FRMD5: variants seen among roughly 807,000 people sequenced by gnomAD.
The protein encoded by FRMD5 is FERM domain containing 5.
A neutral mutation model predicts 69.0 loss-of-function variants in FRMD5; 20 were observed. The ratio of observed to expected loss-of-function variants is 0.29; its 90% CI spans 0.20 to 0.42. FRMD5 has a LOEUF of 0.42. FRMD5 is among the 10% of genes least tolerant of loss of function. The pLI is 1.00. For synonymous variants in FRMD5, 271 were observed against 260.1 expected, an observed-to-expected ratio of 1.04 and a Z score of -0.40; for missense variants, 595 against 708.6, an observed-to-expected ratio of 0.84 and a Z score of 1.82.
At chr15:44,001,711 A>G (rs1890221313) in intron 1 of FRMD5, among the ~76,000 whole-genome samples, 1 of 151,618 alleles carries the variant, frequency 6.6e-6, no homozygotes, top group Admixed American at 6.6e-5. Flanking sequence ...CACTCAAGTG[A>G]TCCTCCTGCC....
chr15:44,047,287 C>T (rs1216343208), intron 1 of FRMD5, among the ~76,000 whole-genome samples: 1 of 151,472 alleles, frequency 6.6e-6, no homozygotes, highest in Admixed American at 6.6e-5. Flanking sequence ...CCAGCCTGGG[C>T]GACAGAGCAA....
rs756408987 is a variant in FRMD5 at position 43,874,137 on chromosome 15, G to A, written c.1461C>T (p.Ser487=). 1.2e-5 allele frequency: 20 copies of A among 1,614,064 alleles called. No homozygotes were observed. The highest frequency in any genetic ancestry group is 3.3e-4 in the Middle Eastern group (2 of 6,082). Reference sequence around the variant, plus strand: ...TATTCACCTGTTCCTCCTCGGGCCCGCTGTGCCCCTGACACAGGGCCCTCA... The same window carrying A: ...TATTCACCTGTTCCTCCTCGGGCCCACTGTGCCCCTGACACAGGGCCCTCA... ...GELRALCQGH[S]GPEEEQVNKF... The change falls in exon 14 of 14, where the codon AGC becomes AGT. Residue 487 remains serine (S), a synonymous_variant. Coordinates refer to ENST00000417257, the MANE Select transcript of FRMD5 (RefSeq NM_032892.5).
At chr15:43,946,560 T>C (rs759703148) in intron 1 of FRMD5, among the ~76,000 whole-genome samples, 1 of 152,152 alleles carries the variant, frequency 6.6e-6, no homozygotes, top group Non-Finnish European at 1.5e-5. Context: ...AACATAATAA[T>C]GTAAAATGCA....
Position 43,908,069 on chromosome 15 carries a change from C to T in FRMD5, c.427+1813G>A, listed in dbSNP as rs557800082. ...GTAGAAAAGACTAGAGTTTAAGACTCGACTTAGGTCAGGCCAGGCTTTCTC... is the reference window on the plus strand; with the variant it reads ...GTAGAAAAGACTAGAGTTTAAGACTTGACTTAGGTCAGGCCAGGCTTTCTC... On this transcript the variant is annotated intron_variant, in intron 5 of 13. Coordinates refer to ENST00000417257, the MANE Select transcript of FRMD5 (RefSeq NM_032892.5). Among the ~76,000 whole-genome samples the T allele has an allele frequency of 3.9e-5, 6 of 152,186 alleles. No individual in the cohort carries two copies. In the East Asian group the frequency reaches 5.8e-4, roughly 15 times the overall value.
chr15:43,977,571 T>TG lies in FRMD5; in HGVS notation c.103-53263dup, dbSNP rs983212054. On this transcript the variant is annotated intron_variant, in intron 1 of 13. Transcript: ENST00000417257. Reference sequence around the variant, plus strand: ...GGTTACTCTTTCTAAAATAAACTTTTGAAAAAAATTTCATCAAGCAGGGTA... The same window carrying TG: ...GGTTACTCTTTCTAAAATAAACTTTTGGAAAAAAATTTCATCAAGCAGGGTA... Among the ~76,000 whole-genome samples the TG allele has an allele frequency of 9.2e-5, 14 of 152,070 alleles. 1 individual carries two copies. The highest frequency in any genetic ancestry group is 7.9e-4 in the Admixed American group (12 of 15,260).
chr15:43,962,461 G>A (rs1269458424), intron 1 of FRMD5, among the ~76,000 whole-genome samples: 2 of 152,160 alleles, frequency 1.3e-5, no homozygotes, highest in African/African-American at 4.8e-5. Flanking sequence ...AATCAGTATC[G>A]TGAAAATGGC....
At position 44,075,263 on chromosome 15, in the gene FRMD5, T is replaced by C. The variant is rs16959131; in HGVS notation, c.102+119690A>G. Among the ~76,000 whole-genome samples, 1,125 of 152,210 alleles carry C rather than the reference T, an allele frequency of 7.4e-3. 21 individuals are homozygous for C. Among genetic ancestry groups the C allele is most frequent in the African/African-American group, 0.026 (1,077 of 41,516 alleles). ...CTTGAACATCAACAATTTTAATGAA[T>C]TGGATGGGAAATGAGGTCTTAGCCA... On this transcript the variant is annotated intron_variant, in intron 1 of 13. Coordinates refer to ENST00000417257, the MANE Select transcript of FRMD5 (RefSeq NM_032892.5).
intron 1 of FRMD5, among the ~76,000 whole-genome samples, chr15:44,067,759 C>T (rs149945587): frequency 8.5e-5 from 13 of 152,228 alleles, no homozygotes; most frequent in Admixed American, 2.6e-4. Flanking sequence ...TATCAACATT[C>T]AGACCATAGC....
chr15:44,104,103 T>C (rs1002606586), intron 1 of FRMD5, among the ~76,000 whole-genome samples: 41 of 152,374 alleles, frequency 2.7e-4, no homozygotes, highest in Non-Finnish European at 2.1e-4. Flanking sequence ...ATATGGAGAT[T>C]GAAGACAGTG....
chr15:43,934,367 T>C (rs776467216), intron 1 of FRMD5, among the ~76,000 whole-genome samples: 11 of 152,222 alleles, frequency 7.2e-5, no homozygotes, highest in Non-Finnish European at 1.2e-4. Context: ...TGTCCTCTTA[T>C]GTGCTCAAAA....
rs115489154 is a variant in FRMD5 at position 44,195,241 on chromosome 15, T to C, written c.-187A>G. ...CCTCCTTCCCTCAGCCGCCACCGCC[T>C]CCCCCCAGCCCAGATCAAGCGCCGG... is the stretch of plus-strand genomic sequence containing the variant. On this transcript the variant is annotated 5_prime_UTR_variant, in exon 1 of 14. Coordinates refer to ENST00000417257, the MANE Select transcript of FRMD5 (RefSeq NM_032892.5). 6 of 529,716 alleles carry C rather than the reference T, an allele frequency of 1.1e-5. No homozygotes were observed. Among genetic ancestry groups the C allele is most frequent in the African/African-American group, 1.0e-4 (5 of 48,300 alleles). 32.8% of individuals were successfully genotyped at this position (529,716 alleles called of 1,614,324 possible). A position where few individuals can be genotyped will look rare whatever the true frequency, so the allele number is the denominator to read the frequency against.
chr15:44,036,804 A>C (rs906593806), intron 1 of FRMD5, among the ~76,000 whole-genome samples: 1 of 152,156 alleles, frequency 6.6e-6, no homozygotes, highest in Non-Finnish European at 1.5e-5. Context: ...AGTGGTAAAG[A>C]AGCAGTGCTG....
At chr15:44,159,219 T>C (rs980877605) in intron 1 of FRMD5, among the ~76,000 whole-genome samples, 10 of 152,168 alleles carry the variant, frequency 6.6e-5, no homozygotes, top group Non-Finnish European at 1.3e-4. Context: ...AATTATACAC[T>C]TAAAATGATA....
At chr15:43,998,953 C>T (rs548043804) in intron 1 of FRMD5, among the ~76,000 whole-genome samples, 5 of 152,206 alleles carry the variant, frequency 3.3e-5, no homozygotes, top group Non-Finnish European at 5.9e-5. Context: ...AGCACCAAAA[C>T]TTCTGGAAAA....
rs549809489 is a variant in FRMD5, at chr15:43,884,723, C to T, written c.1028+4G>A. 2 of 1,613,838 alleles carry T rather than the reference C, an allele frequency of 1.2e-6. No individual in the cohort carries two copies. Among genetic ancestry groups the T allele is most frequent in the African/African-American group, 2.7e-5 (2 of 75,050 alleles). On this transcript the variant is annotated splice_donor_region_variant and intron_variant, in intron 12 of 13. Coordinates refer to ENST00000417257, the MANE Select transcript of FRMD5 (RefSeq NM_032892.5). The stretch of plus-strand genomic sequence containing the variant: ...TGTTTGGGGGGAAGCCCCTGGCAGC[C>T]TACCTGTGTATTTCCGGTGGCTCCC...
chr15:44,018,053 A>T (rs1055065070), intron 1 of FRMD5, among the ~76,000 whole-genome samples: 1 of 152,196 alleles, frequency 6.6e-6, no homozygotes, highest in Non-Finnish European at 1.5e-5. Context: ...GCACATCTAT[A>T]TTAGCATTTA....
At chr15:44,004,691 G>C (rs909932860) in intron 1 of FRMD5, among the ~76,000 whole-genome samples, 3 of 152,152 alleles carry the variant, frequency 2.0e-5, no homozygotes, top group Non-Finnish European at 2.9e-5. Flanking sequence ...TATACCCTGA[G>C]ACACAACAAT....
chr15:43,996,830 C>T (rs1889953977), intron 1 of FRMD5, among the ~76,000 whole-genome samples: 1 of 146,930 alleles, frequency 6.8e-6, no homozygotes, highest in Non-Finnish European at 1.5e-5. Context: ...CCTGGATCTA[C>T]TGAAAGCAGA....
In FRMD5 at chr15:44,055,025, G is replaced by A. The variant is rs1473366873; in HGVS notation, c.103-130716C>T. ...ATGGAGGTTGCAGTGAGCTGAGATC[G>A]CACCATTGTACTCCAGCCTGGGTGA... On this transcript the variant is annotated intron_variant, in intron 1 of 13. Coordinates refer to ENST00000417257, the MANE Select transcript of FRMD5 (RefSeq NM_032892.5). 2.1e-5 allele frequency among the ~76,000 whole-genome samples: 3 copies of A among 145,062 alleles called. No individual in the cohort carries two copies. The East Asian group carries it at 6.1e-4, about 30-fold the overall frequency.
Sources: allele counts gnomAD v4.1 joint callset (sites outside exome capture counted in the v4.1 genomes callset), GRCh38; gene constraint gnomAD v4.1.1; transcripts MANE v1.5; gene names NCBI Gene and HGNC (gene_info 2026-07-23, HGNC 2026-07-21).